MZF1: variants seen among roughly 807,000 people sequenced by gnomAD.
The protein encoded by MZF1 is zinc finger and SCAN domain-containing protein 6.
In MZF1, 24 loss-of-function variants were observed where a neutral mutation model predicts 28.6. The observed-to-expected ratio is 0.84, with a 90% confidence interval of 0.61 to 1.18. The LOEUF is 1.18. Ranked by LOEUF, MZF1 falls within the 50% of genes most tolerant of loss-of-function variation. The probability of loss-of-function intolerance (pLI) is 0.00; values close to 1 mark genes in which losing one functional copy is unlikely to be tolerated. For synonymous variants in MZF1, 516 were observed against 432.5 expected, an observed-to-expected ratio of 1.19 and a Z score of -2.40; for missense variants, 1,166 against 1,026.4, an observed-to-expected ratio of 1.14 and a Z score of -1.86.
chr19:58,564,896 G>GTTTTTTTTT (rs2054009103), intron 5 of MZF1, among the ~76,000 whole-genome samples: 1 of 93,716 alleles, frequency 1.1e-5, no homozygotes, highest in African/African-American at 6.0e-5. Context: ...AAGCATCCAT[G>GTTTTTTTTT]TGTGTGTTTT....
chr19:58,570,541 C>T lies in MZF1; in HGVS notation c.397-14G>A, dbSNP rs1568685700. ...CTGGACTGTGACCTGGGGAGGTGCC[C>T]CCACCATCAGAAGTCCTACCAGAGA... On this transcript the variant is annotated splice_polypyrimidine_tract_variant and intron_variant, in intron 2 of 5. Coordinates refer to ENST00000215057, the MANE Select transcript of MZF1 (RefSeq NM_198055.2). The T allele has an allele frequency of 6.2e-7, 1 of 1,607,402 alleles. No homozygotes were observed. The highest frequency in any genetic ancestry group is 8.5e-7 in the Non-Finnish European group (1 of 1,176,668).
chr19:58,562,342 G>GC lies in MZF1; in HGVS notation c.1934dup (p.Ile646HisfsTer33). 1 of 1,609,882 alleles carries GC rather than the reference G, an allele frequency of 6.2e-7. No homozygotes were observed. The highest frequency in any genetic ancestry group is 8.5e-7 in the Non-Finnish European group (1 of 1,178,790). On this transcript the variant is annotated frameshift_variant, in exon 6 of 6. Transcript: ENST00000215057. LOFTEE classifies it low-confidence loss of function (END_TRUNC). ...CGAAGGGCCGTTCGCCCGTGTGGAT[G>GC]CGCTGGTGCTCGGTGAGCCGCGAGA...
chr19:58,566,214 A>T (rs2054053645), intron 5 of MZF1, among the ~76,000 whole-genome samples: 1 of 151,876 alleles, frequency 6.6e-6, no homozygotes, highest in African/African-American at 2.4e-5. Context: ...TGGCAGGCAA[A>T]GGTGGGCGGA....
chr19:58,570,764 T>C, intron 2 of MZF1: 2 of 647,054 alleles, frequency 3.1e-6, no homozygotes, highest in Non-Finnish European at 5.3e-6. Flanking sequence ...CATATTCCCC[T>C]AGCCTGCAGC....
chr19:58,564,902 GTTTTTTTTTTTTTTT>G lies in MZF1; in HGVS notation c.773-1413_773-1399del, dbSNP rs71190056. 2.4e-3 allele frequency among the ~76,000 whole-genome samples: 101 copies of G among 41,994 alleles called. No homozygotes were observed. In the East Asian group the frequency reaches 0.09, roughly 37 times the overall value. 27.5% of individuals were successfully genotyped at this position (41,994 alleles called of 152,430 possible). ...GTGGAGAATAAGCATCCATGTGTGT[GTTTTTTTTTTTTTTT>G]TTTTTTTTTTTTTTTTTTTTTGAGA... On this transcript the variant is annotated intron_variant, in intron 5 of 5. Transcript: ENST00000215057.
In MZF1 at chr19:58,562,831, G is replaced by A. The variant is rs945834388; in HGVS notation, c.1446C>T (p.Pro482=). ...PPAPPGAPEP[P]GPFPCSECRE... is the part of the protein sequence containing the mutation. ...GGCACTCGCTGCACGGAAAGGGGCC[G>A]GGAGGCTCGGGCGCACCAGGAGGGG... The change falls in exon 6 of 6, where the codon CCC becomes CCT. Residue 482 remains proline, a synonymous_variant. Coordinates refer to ENST00000215057, the MANE Select transcript of MZF1 (RefSeq NM_198055.2). 3.3e-6 allele frequency: 5 copies of A among 1,535,966 alleles called. No homozygotes were observed. The highest frequency in any genetic ancestry group is 1.2e-5 in the South Asian group (1 of 84,712).
intron 5 of MZF1, among the ~76,000 whole-genome samples, chr19:58,567,205 G>T (rs1327125926): frequency 6.6e-6 from 1 of 152,204 alleles, no homozygotes; most frequent in Admixed American, 6.5e-5. Flanking sequence ...GCTGCGCCTG[G>T]CTAAGAAGAT....
intron 5 of MZF1, among the ~76,000 whole-genome samples, chr19:58,566,939 A>T (rs2054069037): frequency 7.0e-6 from 1 of 143,454 alleles, no homozygotes; most frequent in Non-Finnish European, 1.5e-5. Flanking sequence ...TCTCACCCCC[A>T]TTGCCCAGAC....
chr19:58,570,680 C>G, intron 2 of MZF1, 153 bp from the exon 3 acceptor site: 1 of 839,764 alleles, frequency 1.2e-6, no homozygotes, highest in Admixed American at 2.9e-5. Flanking sequence ...CTCCCCTAGG[C>G]CCTGAGCAAA....
chr19:58,571,459 A>T, intron 1 of MZF1, 30 bp from the exon 2 acceptor site: 1 of 1,579,214 alleles, frequency 6.3e-7, no homozygotes, highest in South Asian at 1.1e-5. Flanking sequence ...AGGCTGTTGC[A>T]AAAGGAGTAC....
intron 3 of MZF1, 62 bp from the exon 4 acceptor site, chr19:58,569,648 T>C: frequency 7.1e-7 from 1 of 1,400,786 alleles, no homozygotes; most frequent in Non-Finnish European, 9.8e-7. Flanking sequence ...CCCTTCTTAG[T>C]GGTGTGCCAG....
At chr19:58,571,983 C>T (rs1475905505) in intron 1 of MZF1, 1 of 158,526 alleles carries the variant, frequency 6.3e-6, no homozygotes, top group Admixed American at 6.1e-5. Flanking sequence ...AGCCCACAGG[C>T]TGTTTTTTAG....
intron 5 of MZF1, chr19:58,564,648 A>G (rs530147289): frequency 1.1e-4 from 16 of 152,230 alleles, no homozygotes; most frequent in South Asian, 2.1e-4. Flanking sequence ...GTGTGGTAAA[A>G]TCCATCAAAA....
intron 5 of MZF1, chr19:58,564,372 C>G (rs2053998616): frequency 6.6e-6 from 1 of 152,150 alleles, no homozygotes; most frequent in Admixed American, 6.5e-5. Context: ...AACCAAAAAA[C>G]TCTCCACAGG....
chr19:58,565,736 G>A (rs927970494), intron 5 of MZF1, among the ~76,000 whole-genome samples: 4 of 147,604 alleles, frequency 2.7e-5, no homozygotes, highest in African/African-American at 1.0e-4. Context: ...GTTTCGCCGT[G>A]TTAGCCAGGA....
chr19:58,567,846 C>T (rs1288290286), intron 5 of MZF1, among the ~76,000 whole-genome samples: 1 of 151,950 alleles, frequency 6.6e-6, no homozygotes, highest in East Asian at 1.9e-4. Context: ...CTGCTGTTCT[C>T]AGAGAAATAA....
At chr19:58,570,235 A>C (rs907016939) in intron 3 of MZF1, 109 bp downstream of exon 3, 44 of 1,202,444 alleles carry the variant, frequency 3.7e-5, no homozygotes, top group Non-Finnish European at 5.1e-5. Flanking sequence ...GATGGAAACC[A>C]TTCCATTTAT....
At chr19:58,572,865 C>CAA (rs1200288038) in intron 1 of MZF1, 190 bp downstream of exon 1, 6 of 312,622 alleles carry the variant, frequency 1.9e-5, no homozygotes, top group Non-Finnish European at 3.3e-5. Flanking sequence ...GCGGGGCTCC[C>CAA]AAAGCCTGTC....
At chr19:58,565,105 T>G (rs2054021833) in intron 5 of MZF1, among the ~76,000 whole-genome samples, 1 of 150,588 alleles carries the variant, frequency 6.6e-6, no homozygotes, top group Admixed American at 6.6e-5. Flanking sequence ...TATTTTTTTT[T>G]TTTTTGAGAC....
Sources: gnomAD v4.1 joint callset for allele counts (sites outside exome capture counted in the v4.1 genomes callset) on GRCh38, gnomAD v4.1.1 for gene constraint, MANE v1.5 for transcripts, NCBI Gene and HGNC (gene_info 2026-07-23, HGNC 2026-07-21) for gene names.